WNT4: variants seen among roughly 807,000 people sequenced by gnomAD.
WNT4 encodes the protein protein Wnt-4.
A neutral mutation model predicts 34.5 loss-of-function variants in WNT4; 16 were observed. The observed-to-expected ratio is 0.46, with a 90% CI of 0.31 to 0.70. The LOEUF (loss-of-function observed/expected upper bound fraction) is 0.70, where lower values mean the gene tolerates loss of function less well. Ranked by LOEUF, WNT4 falls within the 30% of genes least tolerant of loss-of-function variation. The pLI, the probability that WNT4 is intolerant of heterozygous loss-of-function variation, is 0.04. For missense variants in WNT4, 379 were observed against 495.9 expected, an observed-to-expected ratio of 0.76 and a Z score of 2.24; for synonymous variants, 200 against 211.9, an observed-to-expected ratio of 0.94 and a Z score of 0.49.
intron 1 of WNT4, among the ~76,000 whole-genome samples, chr1:22,132,161 G>A (rs914295017): frequency 4.0e-4 from 61 of 152,332 alleles, no homozygotes; most frequent in African/African-American, 1.4e-3. Flanking sequence ...ACAAGGAATT[G>A]AGCCTGACGT....
chr1:22,125,253 T>G (rs1645931487), intron 2 of WNT4, among the ~76,000 whole-genome samples: 1 of 151,892 alleles, frequency 6.6e-6, no homozygotes, highest in Non-Finnish European at 1.5e-5. Flanking sequence ...CAGTTTTATC[T>G]TCTAATTGTC....
chr1:22,122,775 A>G (rs1033452089), intron 2 of WNT4, among the ~76,000 whole-genome samples: 2 of 152,200 alleles, frequency 1.3e-5, no homozygotes, highest in African/African-American at 4.8e-5. Flanking sequence ...TCAGATGGAA[A>G]CAATCACCTT....
rs751085764 is a variant in WNT4, at chr1:22,121,587, C to G, written c.314-11G>C. On this transcript the variant is annotated splice_polypyrimidine_tract_variant and intron_variant, in intron 2 of 4. Coordinates refer to ENST00000290167, the MANE Select transcript of WNT4 (RefSeq NM_030761.5). ...CCGCCTCCCGAGTCCCTGTGGGAGG[C>G]AGAGGGAGGGCAGAGCTGGGTCCCA... 9.3e-6 allele frequency: 15 copies of G among 1,611,810 alleles called. No individual in the cohort carries two copies. In the East Asian group the frequency reaches 2.9e-4, roughly 31 times the overall value.
At chr1:22,127,139 G>A (rs550521776) in intron 2 of WNT4, 9 of 383,036 alleles carry the variant, frequency 2.3e-5, no homozygotes, top group Admixed American at 6.3e-5. Flanking sequence ...GGTGTGACTG[G>A]CACCTGCCGA....
At position 22,140,090 on chromosome 1, in the gene WNT4, C is replaced by G; in HGVS notation, c.77+2756G>C. On this transcript the variant is annotated intron_variant, in intron 1 of 4. Coordinates refer to ENST00000290167, the MANE Select transcript of WNT4 (RefSeq NM_030761.5). The surrounding 1 kb of genome is among the most constrained non-coding windows in gnomAD (Gnocchi z 5.9). ...AGTCCTGGCTCTCGCCACTGGCCAG[C>G]AGACCCACCCTGGACTCCAGGGTAT... The G allele has an allele frequency of 1.3e-6, 1 of 798,464 alleles. No homozygotes were observed. The highest frequency in any genetic ancestry group is 1.5e-6 in the Non-Finnish European group (1 of 659,178). 49.5% of individuals were successfully genotyped at this position (798,464 alleles called of 1,614,324 possible). A position where few individuals can be genotyped will look rare whatever the true frequency, so the allele number is the denominator to read the frequency against.
At chr1:22,135,019 T>C (rs1388374080) in intron 1 of WNT4, among the ~76,000 whole-genome samples, 1 of 152,104 alleles carries the variant, frequency 6.6e-6, no homozygotes, top group Admixed American at 6.5e-5. Context: ...TCTGCAGAGT[T>C]TGAGGATGTG....
In WNT4 at chr1:22,121,225, CATT is replaced by C. The variant is rs760669509; in HGVS notation, c.571_573del (p.Asn191del). The C allele has an allele frequency of 1.5e-5, 25 of 1,613,928 alleles. No individual in the cohort carries two copies. The highest frequency in any genetic ancestry group is 1.6e-4 in the Middle Eastern group (1 of 6,080). On this transcript the variant is annotated inframe_deletion, in exon 4 of 5. Transcript: ENST00000290167. ...TGCCACACTACCTTCCTGCCGGCCT[CATT>C]GTTGTGGAGGTTCATGAGGGCTCTG...
chr1:22,128,486 T>C (rs7536301), intron 2 of WNT4, among the ~76,000 whole-genome samples: 142,603 of 152,224 alleles, frequency 0.94, 66,931 homozygotes, highest in East Asian at 1. Flanking sequence ...TATGCCCTGG[T>C]CCCCCTGTCT....
In WNT4 at chr1:22,119,205, TG is replaced by T. The variant is rs1645873824; in HGVS notation, c.*844del. The T allele has an allele frequency of 2.6e-5, 3 of 115,016 alleles. No homozygotes were observed. Among genetic ancestry groups the T allele is most frequent in the African/African-American group, 3.6e-5 (1 of 27,950 alleles). 7.1% of individuals were successfully genotyped at this position (115,016 alleles called of 1,614,324 possible). A position where few individuals can be genotyped will look rare whatever the true frequency, so the allele number is the denominator to read the frequency against. On this transcript the variant is annotated 3_prime_UTR_variant, in exon 5 of 5. Transcript: ENST00000290167. Reference sequence around the variant, plus strand: ...GTGTGTCCGTGTGTGTGTGTGTGTGTGTGTGTGTGTGTGTGTGTGTGTGTTT... The same window carrying T: ...GTGTGTCCGTGTGTGTGTGTGTGTGTTGTGTGTGTGTGTGTGTGTGTGTTT...
intron 2 of WNT4, among the ~76,000 whole-genome samples, chr1:22,124,621 C>A (rs1645927224): frequency 6.6e-6 from 1 of 152,204 alleles, no homozygotes; most frequent in Non-Finnish European, 1.5e-5. Flanking sequence ...GGTGGCTTGT[C>A]CTGGGTTCCT....
rs780347824 is a variant in WNT4, at chr1:22,120,196, C to T, written c.910G>A (p.Asp304Asn). 30 of 1,613,764 alleles carry T rather than the reference C, an allele frequency of 1.9e-5. No individual in the cohort carries two copies. In the Admixed American group the frequency reaches 2.7e-4, roughly 14 times the overall value. Residue 304 changes from aspartate to asparagine, a missense_variant, in exon 5 of 5, where the codon GAC (aspartate) becomes AAC (asparagine). Physicochemically the swap from Asp to Asn is conservative, Grantham distance 23. Transcript: ENST00000290167. ...RTCNKTSKAIDGCELLCCGRG... is the reference protein window; with the variant it reads ...RTCNKTSKAINGCELLCCGRG... The stretch of plus-strand genomic sequence containing the variant: ...CCACAGCACAGCAGCTCACAGCCGT[C>T]GATGGCCTTGGACGTCTTGTTGCAT...
chr1:22,129,930 G>A (rs1449073513), intron 1 of WNT4, 79 bp from the exon 2 acceptor site: 6 of 1,527,588 alleles, frequency 3.9e-6, no homozygotes, highest in Admixed American at 3.3e-5. Flanking sequence ...GCTCCAGCCC[G>A]GGTCTCTGGG....
At position 22,136,583 on chromosome 1, in the gene WNT4, C is replaced by T. The variant is rs74672550; in HGVS notation, c.77+6263G>A. Among the ~76,000 whole-genome samples, 67 of 152,298 alleles carry T rather than the reference C, an allele frequency of 4.4e-4. No individual in the cohort carries two copies. In the East Asian group the frequency reaches 0.012, roughly 27 times the overall value. On this transcript the variant is annotated intron_variant, in intron 1 of 4. Coordinates refer to ENST00000290167, the MANE Select transcript of WNT4 (RefSeq NM_030761.5). Reference sequence around the variant, plus strand: ...TACTCCCACCCCCACCAGGGTGGGGCTCATCCCCCCAGCAGAGAATAACTG... The same window carrying T: ...TACTCCCACCCCCACCAGGGTGGGGTTCATCCCCCCAGCAGAGAATAACTG...
At chr1:22,131,095 C>T (rs925663380) in intron 1 of WNT4, among the ~76,000 whole-genome samples, 6 of 152,268 alleles carry the variant, frequency 3.9e-5, no homozygotes, top group African/African-American at 1.4e-4. Context: ...ATTTGCCTGG[C>T]TTCACAGCCT....
rs1251455136 is a variant in WNT4, at chr1:22,140,795, G to A, written c.77+2051C>T. 6.6e-6 allele frequency among the ~76,000 whole-genome samples: 1 copy of A among 152,162 alleles called. No individual in the cohort carries two copies. The highest frequency in any genetic ancestry group is 1.5e-5 in the Non-Finnish European group (1 of 68,028). ...CCGGGGGTGGAGCAGGAGTGAGCTG[G>A]GTCATCCAGAGACCTGCTTCGTGGC... On this transcript the variant is annotated intron_variant, in intron 1 of 4. Transcript: ENST00000290167. This position sits in a 1 kb window ranked among gnomAD's most constrained non-coding sequence, Gnocchi z 5.9.
chr1:22,124,128 G>A (rs1645923561), intron 2 of WNT4, among the ~76,000 whole-genome samples: 2 of 152,204 alleles, frequency 1.3e-5, no homozygotes, highest in Non-Finnish European at 2.9e-5. Flanking sequence ...TCTCCTCAGG[G>A]GCCACTCAGA....
At chr1:22,130,953 C>A (rs1055797726) in intron 1 of WNT4, among the ~76,000 whole-genome samples, 2 of 152,198 alleles carry the variant, frequency 1.3e-5, no homozygotes, top group Non-Finnish European at 2.9e-5. Context: ...TACATTATTG[C>A]GTTTAATCCT....
Position 22,119,401 on chromosome 1 carries a change from G to A in WNT4, c.*649C>T, listed in dbSNP as rs1165793626. ...GCTGGGGCAGGCTGGGTTCTAGGGT[G>A]GGACTTCAGTCGTCTCTTGCTCTCA... On this transcript the variant is annotated 3_prime_UTR_variant, in exon 5 of 5. Coordinates refer to ENST00000290167, the MANE Select transcript of WNT4 (RefSeq NM_030761.5). 1 of 155,674 alleles carries A rather than the reference G, an allele frequency of 6.4e-6. No homozygotes were observed. Among genetic ancestry groups the A allele is most frequent in the Non-Finnish European group, 1.4e-5 (1 of 70,276 alleles). The allele number at this position is 155,674 out of a possible 1,614,324, so 9.6% of individuals were successfully genotyped here.
At position 22,142,966 on chromosome 1, in the gene WNT4, CG is replaced by C. The variant is rs1441211709; in HGVS notation, c.-45del. On this transcript the variant is annotated 5_prime_UTR_variant, in exon 1 of 5. Coordinates refer to ENST00000290167, the MANE Select transcript of WNT4 (RefSeq NM_030761.5). The surrounding 1 kb of genome is among the most constrained non-coding windows in gnomAD (Gnocchi z 6.0). ...CGGCCCGGGGCAGCGGCTGCGGCCG[CG>C]GGGGGCCTCCCGTCGGGGCTGCAGG... 4.7e-5 allele frequency: 47 copies of C among 1,002,382 alleles called. No homozygotes were observed. The highest frequency in any genetic ancestry group is 7.8e-5 in the South Asian group (2 of 25,522). 62.1% of individuals were successfully genotyped at this position (1,002,382 alleles called of 1,614,324 possible).
Sources: gnomAD v4.1 joint callset for allele counts (sites outside exome capture counted in the v4.1 genomes callset) on GRCh38, gnomAD v4.1.1 for gene constraint, Gnocchi (gnomAD v3.1) non-coding constraint, MANE v1.5 for transcripts, NCBI Gene and HGNC (gene_info 2026-07-23, HGNC 2026-07-21) for gene names.